PLA2R1: variants seen among roughly 807,000 people sequenced by gnomAD.
The protein encoded by PLA2R1 is secretory phospholipase A2 receptor.
Under a neutral mutation model 195.9 loss-of-function variants are expected in PLA2R1, and 158 were observed. That is an observed-to-expected ratio of 0.81 (90% confidence interval 0.71 to 0.92). The LOEUF (loss-of-function observed/expected upper bound fraction) is 0.92. Among genes scored for constraint, PLA2R1 ranks in the 40% least tolerant of loss-of-function variants. The pLI, the probability that PLA2R1 is intolerant of heterozygous loss-of-function variation, is 0.00. For synonymous variants in PLA2R1, 586 were observed against 598.2 expected, an observed-to-expected ratio of 0.98 and a Z score of 0.30; for missense variants, 1,626 against 1,764.6, an observed-to-expected ratio of 0.92 and a Z score of 1.41.
intron 14 of PLA2R1, 64 bp from the exon 15 acceptor site, chr2:159,977,480 A>G: frequency 6.8e-7 from 1 of 1,475,754 alleles, no homozygotes; most frequent in Non-Finnish European, 9.4e-7. Flanking sequence ...AAAAGATCAA[A>G]AAGGGCATCC....
intron 27 of PLA2R1, 84 bp from the exon 28 acceptor site, chr2:159,945,166 C>T (rs1687303530): frequency 1.2e-6 from 1 of 812,984 alleles, no homozygotes; most frequent in African/African-American, 1.8e-5. Flanking sequence ...AAAAAGCAGC[C>T]CCTGAATTTT....
At chr2:159,978,493 C>T (rs551850165) in intron 14 of PLA2R1, among the ~76,000 whole-genome samples, 4 of 152,268 alleles carry the variant, frequency 2.6e-5, no homozygotes, top group South Asian at 2.1e-4. Context: ...GTGAGAAGCT[C>T]GGCCACTGCT....
intron 5 of PLA2R1, 46 bp downstream of exon 5, chr2:160,028,804 G>A (rs770509897): frequency 9.2e-7 from 1 of 1,081,812 alleles, no homozygotes. Context: ...GTGTAAGGGT[G>A]CAAGATGATG....
chr2:159,942,907 T>C (rs1050978901), intron 28 of PLA2R1, among the ~76,000 whole-genome samples: 4 of 151,606 alleles, frequency 2.6e-5, no homozygotes, highest in South Asian at 4.2e-4. Flanking sequence ...TTCACTCTGA[T>C]AGACATGAAA....
In PLA2R1 at chr2:160,044,822, T is replaced by A; in HGVS notation, c.445A>T (p.Ile149Phe). 2 of 1,612,618 alleles carry A rather than the reference T, an allele frequency of 1.2e-6. No individual in the cohort carries two copies. Among genetic ancestry groups the A allele is most frequent in the Non-Finnish European group, 8.5e-7 (1 of 1,178,600 alleles). ...VASRKYIHKW[I>F]SYGSGGGDIC... is the part of the protein sequence containing the mutation. ...TCTCCACCACCTGACCCATAAGAAA[T>A]CCACTTATGAATATACTTCCGTGAG... is the stretch of plus-strand genomic sequence containing the variant. Residue 149 changes from isoleucine to phenylalanine, a missense_variant, in exon 2 of 30, where the codon ATT becomes TTT. Transcript: ENST00000283243.
chr2:159,994,364 T>A (rs932553484), intron 11 of PLA2R1, among the ~76,000 whole-genome samples: 1 of 152,010 alleles, frequency 6.6e-6, no homozygotes, highest in African/African-American at 2.4e-5. Flanking sequence ...AACACAGAGA[T>A]GAAAACAGAC....
chr2:159,953,260 A>G (rs930179516), intron 23 of PLA2R1, among the ~76,000 whole-genome samples: 1 of 152,240 alleles, frequency 6.6e-6, no homozygotes, highest in African/African-American at 2.4e-5. Flanking sequence ...ATTGGAAACC[A>G]AGTTCTAAAC....
rs561651368 is a variant in PLA2R1 at position 159,990,832 on chromosome 2, G to A, written c.1835-3474C>T. On this transcript the variant is annotated intron_variant, in intron 11 of 29. Transcript: ENST00000283243. ...TAGTAACTTGCCAAAGGCCACAAAC[G>A]TAGTGGGCTTGCTCCAGGATTTGAA... 3.9e-5 allele frequency among the ~76,000 whole-genome samples: 6 copies of A among 151,906 alleles called. No individual in the cohort carries two copies. The East Asian group carries it at 5.8e-4, about 15-fold the overall frequency.
chr2:159,943,973 C>T (rs1279723647), intron 28 of PLA2R1, among the ~76,000 whole-genome samples: 1 of 152,008 alleles, frequency 6.6e-6, no homozygotes, highest in Non-Finnish European at 1.5e-5. Flanking sequence ...CTAGTTTAAT[C>T]ACTCAAATTA....
chr2:159,977,184 T>C (rs111764751), intron 15 of PLA2R1, 100 bp downstream of exon 15: 23 of 866,994 alleles, frequency 2.7e-5, no homozygotes, highest in African/African-American at 1.9e-4. Flanking sequence ...TATTTTATCA[T>C]GCAATTTGTT....
At position 159,956,579 on chromosome 2, in the gene PLA2R1, T is replaced by C. The variant is rs768776910; in HGVS notation, c.2953A>G (p.Thr985Ala). The C allele has an allele frequency of 6.2e-7, 1 of 1,613,806 alleles. No homozygotes were observed. Among genetic ancestry groups the C allele is most frequent in the Non-Finnish European group, 8.5e-7 (1 of 1,179,690 alleles). ...PKDPSSWKNW[T>A]HAQHFCAEEG... Reference sequence around the variant, plus strand: ...TCAGCACAGAAATGTTGAGCATGCGTCCAGTTCTTCCAACTGCTTGGGTCT... The same window carrying C: ...TCAGCACAGAAATGTTGAGCATGCGCCCAGTTCTTCCAACTGCTTGGGTCT... Residue 985 changes from threonine to alanine, a missense_variant, in exon 21 of 30, where the codon ACG becomes GCG. By Grantham distance (58) the Thr-to-Ala change is moderately conservative. Coordinates refer to ENST00000283243, the MANE Select transcript of PLA2R1 (RefSeq NM_007366.5).
At chr2:160,049,142 G>A (rs1271423712) in intron 1 of PLA2R1, among the ~76,000 whole-genome samples, 4 of 151,984 alleles carry the variant, frequency 2.6e-5, no homozygotes. Context: ...CGCCCGGCCA[G>A]AAGAAACTTA....
chr2:159,929,365 A>G (rs1476251281), downstream of PLA2R1, among the ~76,000 whole-genome samples: 2 of 152,248 alleles, frequency 1.3e-5, no homozygotes, highest in Non-Finnish European at 2.9e-5. Flanking sequence ...TCTCAAAAGA[A>G]GATACACAAA....
At chr2:160,004,661 A>C (rs1005331166) in intron 11 of PLA2R1, among the ~76,000 whole-genome samples, 3 of 152,236 alleles carry the variant, frequency 2.0e-5, no homozygotes, top group Non-Finnish European at 4.4e-5. Context: ...TCTCTGGCAC[A>C]GCCCTGATGG....
At position 159,942,141 on chromosome 2, in the gene PLA2R1, G is replaced by C; in HGVS notation, c.4163C>G (p.Ala1388Gly). ...KMEADIHTAE[A>G]LPEKGPSHSI... Reference sequence around the variant, plus strand: ...TTCAAACGTACCTTTTTCTGGCAGCGCCTCTGCAGTGTGAATATCTAAAAT... The same window carrying C: ...TTCAAACGTACCTTTTTCTGGCAGCCCCTCTGCAGTGTGAATATCTAAAAT... Residue 1388 changes from alanine to glycine, a missense_variant, in exon 29 of 30, where the codon GCG (alanine) becomes GGG (glycine). Transcript: ENST00000283243. 1 of 1,610,182 alleles carries C rather than the reference G, an allele frequency of 6.2e-7. No homozygotes were observed. Among genetic ancestry groups the C allele is most frequent in the African/African-American group, 1.3e-5 (1 of 74,808 alleles).
intron 14 of PLA2R1, 59 bp from the exon 15 acceptor site, chr2:159,977,475 A>T: frequency 6.6e-7 from 1 of 1,520,782 alleles, no homozygotes; most frequent in East Asian, 2.3e-5. Flanking sequence ...GTTTCAAAAG[A>T]TCAAAAAGGG....
intron 7 of PLA2R1, 79 bp from the exon 8 acceptor site, chr2:160,020,342 T>C (rs147022326): frequency 8.4e-6 from 7 of 829,266 alleles, no homozygotes; most frequent in African/African-American, 6.8e-5. Context: ...ATTACTAAAA[T>C]ATACCACTTC....
intron 1 of PLA2R1, among the ~76,000 whole-genome samples, 183 bp downstream of exon 1, chr2:160,062,112 A>T (rs1695999979): frequency 6.6e-6 from 1 of 151,502 alleles, no homozygotes; most frequent in Non-Finnish European, 1.5e-5. Context: ...GGGCCTAGAC[A>T]AGAGGCTGCA....
chr2:160,006,775 C>CCTAT, intron 10 of PLA2R1, among the ~76,000 whole-genome samples: 1 of 152,260 alleles, frequency 6.6e-6, no homozygotes. Context: ...ACCCAGGAAA[C>CCTAT]CTAAGGAGAA....
Sources: allele counts gnomAD v4.1 joint callset (sites outside exome capture counted in the v4.1 genomes callset), GRCh38; gene constraint gnomAD v4.1.1; transcripts MANE v1.5; gene names NCBI Gene and HGNC (gene_info 2026-07-23, HGNC 2026-07-21).